Variants in ZMAT4 observed in about 807,000 individuals in gnomAD.
ZMAT4 encodes the protein zinc finger matrin-type 4, also known as zinc finger matrin-type protein 4.
Under a neutral mutation model 28.7 loss-of-function variants are expected in ZMAT4, and 17 were observed. The ratio of observed to expected loss-of-function variants is 0.59; its 90% CI spans 0.41 to 0.89. The LOEUF (loss-of-function observed/expected upper bound fraction) is 0.89. Ranked by LOEUF, ZMAT4 falls within the 40% of genes least tolerant of loss-of-function variation. ZMAT4 has a pLI of 0.00. For synonymous variants in ZMAT4, 117 were observed against 109.2 expected, an observed-to-expected ratio of 1.07 and a Z score of -0.44; for missense variants, 240 against 283.8, an observed-to-expected ratio of 0.85 and a Z score of 1.11.
intron 2 of ZMAT4, among the ~76,000 whole-genome samples, chr8:40,804,117 T>C (rs1814974510): frequency 6.6e-6 from 1 of 152,192 alleles, no homozygotes; most frequent in African/African-American, 2.4e-5. Flanking sequence ...AATGGATTCT[T>C]AGGGAAATAC....
intron 6 of ZMAT4, among the ~76,000 whole-genome samples, chr8:40,545,117 G>A (rs1212646986): frequency 6.6e-6 from 1 of 152,100 alleles, no homozygotes; most frequent in Non-Finnish European, 1.5e-5. Flanking sequence ...CAGGAACTGA[G>A]ACCCTCATTC....
At position 40,817,210 on chromosome 8, in the gene ZMAT4, CTT is replaced by C. The variant is rs574784598; in HGVS notation, c.102+8363_102+8364del. Reference sequence around the variant, plus strand: ...ACTTTCTAAAAAATAAATCGGAAGCCTTTTTACATTATTAAAAGAATAATATT... The same window carrying C: ...ACTTTCTAAAAAATAAATCGGAAGCCTTTACATTATTAAAAGAATAATATT... On this transcript the variant is annotated intron_variant, in intron 2 of 6. Transcript: ENST00000297737. Among the ~76,000 whole-genome samples, 3 of 152,150 alleles carry C rather than the reference CTT, an allele frequency of 2.0e-5. No individual in the cohort carries two copies. In the East Asian group the frequency reaches 5.8e-4, roughly 29 times the overall value.
chr8:40,819,099 G>A (rs73619238), intron 2 of ZMAT4, among the ~76,000 whole-genome samples: 2,877 of 152,098 alleles, frequency 0.019, 97 homozygotes, highest in African/African-American at 0.065. Flanking sequence ...AAGTTCTGTC[G>A]GAAGTCAATC....
At chr8:40,863,698 C>T (rs1349304871) in intron 1 of ZMAT4, among the ~76,000 whole-genome samples, 9 of 152,092 alleles carry the variant, frequency 5.9e-5, no homozygotes, top group Admixed American at 5.9e-4. Context: ...TTTAAAAATC[C>T]ATATGAGGAC....
intron 2 of ZMAT4, among the ~76,000 whole-genome samples, chr8:40,772,848 G>T (rs936418620): frequency 2.0e-5 from 3 of 152,196 alleles, no homozygotes; most frequent in African/African-American, 7.2e-5. Context: ...AGGTCATTCC[G>T]GGGAGAAGAG....
chr8:40,802,348 C>T (rs1356633204), intron 2 of ZMAT4, among the ~76,000 whole-genome samples: 3 of 152,112 alleles, frequency 2.0e-5, no homozygotes, highest in African/African-American at 7.2e-5. Flanking sequence ...AACAAAATGG[C>T]CCCTAGAATT....
chr8:40,561,067 G>T (rs1803721881), intron 6 of ZMAT4, among the ~76,000 whole-genome samples: 1 of 152,106 alleles, frequency 6.6e-6, no homozygotes, highest in South Asian at 2.1e-4. Context: ...AAATCATACA[G>T]TTCTGTTTAA....
At chr8:40,835,485 A>G (rs1248934414) in intron 1 of ZMAT4, among the ~76,000 whole-genome samples, 1 of 152,226 alleles carries the variant, frequency 6.6e-6, no homozygotes, top group African/African-American at 2.4e-5. Context: ...CCTGCTCCAG[A>G]CAGGTGGATT....
intron 3 of ZMAT4, among the ~76,000 whole-genome samples, chr8:40,765,525 A>T (rs1813120708): frequency 6.6e-6 from 1 of 152,238 alleles, no homozygotes; most frequent in Non-Finnish European, 1.5e-5. Context: ...TAAATAAATC[A>T]TTGGTAGATC....
At chr8:40,832,839 G>A (rs530896106) in intron 1 of ZMAT4, among the ~76,000 whole-genome samples, 1 of 152,338 alleles carries the variant, frequency 6.6e-6, no homozygotes, top group South Asian at 2.1e-4. Context: ...AAGGAGAGGG[G>A]CTAAGACTCT....
intron 1 of ZMAT4, among the ~76,000 whole-genome samples, chr8:40,881,586 G>GAA (rs1401181338): frequency 2.9e-5 from 3 of 104,912 alleles, no homozygotes; most frequent in Non-Finnish European, 2.0e-5. Context: ...AAGAAAGAAA[G>GAA]AAAGAAAGAA....
In ZMAT4 at chr8:40,535,635, C is replaced by T. The variant is rs145933283; in HGVS notation, c.675-3397G>A. Among the ~76,000 whole-genome samples the T allele has an allele frequency of 5.4e-3, 801 of 149,646 alleles. 9 individuals carry two copies. The highest frequency in any genetic ancestry group is 0.019 in the African/African-American group (762 of 40,466). Reference sequence around the variant, plus strand: ...AGTGAGCTGAGATTTTGCCACTGCACTCCAGCCTGGCGACTGAGCAAGACT... The same window carrying T: ...AGTGAGCTGAGATTTTGCCACTGCATTCCAGCCTGGCGACTGAGCAAGACT... On this transcript the variant is annotated intron_variant, in intron 6 of 6. Transcript: ENST00000297737.
chr8:40,573,674 T>C (rs1804171518), intron 6 of ZMAT4, among the ~76,000 whole-genome samples: 1 of 152,144 alleles, frequency 6.6e-6, no homozygotes, highest in Non-Finnish European at 1.5e-5. Context: ...CTAGCTCCAA[T>C]AAAATGGCAA....
chr8:40,745,195 A>C (rs747324594), intron 3 of ZMAT4, among the ~76,000 whole-genome samples: 5 of 152,184 alleles, frequency 3.3e-5, no homozygotes, highest in African/African-American at 4.8e-5. Flanking sequence ...GGTGAAGGGA[A>C]GAAGGGAAGA....
intron 2 of ZMAT4, among the ~76,000 whole-genome samples, chr8:40,795,506 T>C (rs1489950613): frequency 1.3e-5 from 2 of 152,186 alleles, no homozygotes; most frequent in African/African-American, 2.4e-5. Flanking sequence ...GCCTAGGCTG[T>C]CCCTAGGCTG....
intron 5 of ZMAT4, among the ~76,000 whole-genome samples, chr8:40,665,141 G>T (rs2118868352): frequency 6.6e-6 from 1 of 152,252 alleles, no homozygotes; most frequent in Middle Eastern, 3.4e-3. Flanking sequence ...GAGAGGTGGA[G>T]GTTGCAGTGA....
intron 1 of ZMAT4, among the ~76,000 whole-genome samples, chr8:40,827,796 C>T (rs972714187): frequency 6.6e-6 from 1 of 152,182 alleles, no homozygotes; most frequent in Non-Finnish European, 1.5e-5. Flanking sequence ...TCACCTCCTC[C>T]CCCACAAGGC....
At chr8:40,729,378 A>C (rs1359950656) in intron 3 of ZMAT4, among the ~76,000 whole-genome samples, 1 of 152,190 alleles carries the variant, frequency 6.6e-6, no homozygotes, top group Non-Finnish European at 1.5e-5. Flanking sequence ...GGGGGTATTC[A>C]TGCTACATAT....
intron 3 of ZMAT4, among the ~76,000 whole-genome samples, chr8:40,754,097 G>T (rs944040727): frequency 6.6e-6 from 1 of 151,908 alleles, no homozygotes. Flanking sequence ...GATTGAACCC[G>T]GGAGGCAGAG....
Sources: gnomAD v4.1 joint callset for allele counts (sites outside exome capture counted in the v4.1 genomes callset) on GRCh38, gnomAD v4.1.1 for gene constraint, MANE v1.5 for transcripts, NCBI Gene and HGNC (gene_info 2026-07-23, HGNC 2026-07-21) for gene names.